Variants in CUBN observed in about 807,000 individuals in gnomAD.
The protein encoded by CUBN is cubilin.
In CUBN, 282 loss-of-function variants were observed where a neutral mutation model predicts 405.3. The ratio of observed to expected loss-of-function variants is 0.70; its 90% CI spans 0.63 to 0.77. The LOEUF is 0.77. Ranked by LOEUF, CUBN falls within the 30% of genes least tolerant of loss-of-function variation. CUBN has a pLI of 0.00. For synonymous variants in CUBN, 1,684 were observed against 1,617.0 expected (o/e 1.04, Z -0.99); for missense variants, 4,514 against 4,475.2 (o/e 1.01, Z -0.25).
At chr10:17,128,844 G>C (rs185478854) in intron 2 of CUBN, among the ~76,000 whole-genome samples, 5 of 152,066 alleles carry the variant, frequency 3.3e-5, no homozygotes, top group Admixed American at 6.5e-5. Context: ...AGACCAGTAG[G>C]GTGACTATAG....
chr10:17,117,534 C>T lies in CUBN; in HGVS notation c.594-1937G>A, dbSNP rs534560772. Among the ~76,000 whole-genome samples the T allele has an allele frequency of 4.6e-5, 7 of 152,166 alleles. No individual in the cohort carries two copies. The South Asian group carries it at 1.5e-3, about 32-fold the overall frequency. Reference sequence around the variant, plus strand: ...GGACTACAGGTGCGTGCCACCACACCCGGCTAATTTTTTATTTCTTTTTTT... The same window carrying T: ...GGACTACAGGTGCGTGCCACCACACTCGGCTAATTTTTTATTTCTTTTTTT... On this transcript the variant is annotated intron_variant, in intron 6 of 66. Transcript: ENST00000377833.
At chr10:16,897,878 A>G (rs1841236845) in intron 54 of CUBN, among the ~76,000 whole-genome samples, 1 of 151,996 alleles carries the variant, frequency 6.6e-6, no homozygotes, top group Admixed American at 6.6e-5. Context: ...TATCAGAGGG[A>G]CCCCCATTCA....
chr10:16,988,059 C>T (rs1042904788), intron 29 of CUBN, among the ~76,000 whole-genome samples: 12 of 152,244 alleles, frequency 7.9e-5, no homozygotes, highest in African/African-American at 2.4e-4. Flanking sequence ...GCCTGGAGTC[C>T]CTGATTTCGT....
At chr10:16,990,720 A>G (rs893491639) in intron 28 of CUBN, among the ~76,000 whole-genome samples, 6 of 152,236 alleles carry the variant, frequency 3.9e-5, no homozygotes, top group Non-Finnish European at 7.3e-5. Context: ...TTATCCTTTC[A>G]AAAACACTGG....
At chr10:16,865,259 C>T (rs1840145164) in intron 59 of CUBN, among the ~76,000 whole-genome samples, 1 of 152,082 alleles carries the variant, frequency 6.6e-6, no homozygotes, top group African/African-American at 2.4e-5. Context: ...CGTGAGCCAC[C>T]GTGCCCAGCC....
At chr10:17,059,983 G>A (rs1255877546) in intron 22 of CUBN, among the ~76,000 whole-genome samples, 1 of 152,164 alleles carries the variant, frequency 6.6e-6, no homozygotes, top group Non-Finnish European at 1.5e-5. Flanking sequence ...ACTTTTTAGA[G>A]AGGTGTAGAT....
Position 17,110,913 on chromosome 10 carries a change from C to T in CUBN, c.1015+6G>A. 6.2e-7 allele frequency: 1 copy of T among 1,614,174 alleles called. No homozygotes were observed. Among genetic ancestry groups the T allele is most frequent in the Non-Finnish European group, 8.5e-7 (1 of 1,180,024 alleles). ...TCAGGAGGTTGACATTGAACCGAGG[C>T]AGCACCTGGTGGACAGGCCTGGCAG... On this transcript the variant is annotated splice_donor_region_variant and intron_variant, in intron 9 of 66. Coordinates refer to ENST00000377833, the MANE Select transcript of CUBN (RefSeq NM_001081.4).
At chr10:17,129,611 C>T (rs1837273022) in intron 1 of CUBN, 33 bp downstream of exon 1, 1 of 1,613,834 alleles carries the variant, frequency 6.2e-7, no homozygotes, top group Admixed American at 1.7e-5. Context: ...TTAGCCTAGT[C>T]CCTGAGCAGG....
At chr10:17,121,603 G>A (rs899855913) in intron 6 of CUBN, among the ~76,000 whole-genome samples, 1 of 150,990 alleles carries the variant, frequency 6.6e-6, no homozygotes, top group Non-Finnish European at 1.5e-5. Flanking sequence ...GCTAAATGAC[G>A]AGTTAATGGA....
Position 16,915,843 on chromosome 10 carries a change from C to G in CUBN, c.7188G>C (p.Glu2396Asp). Residue 2396 changes from glutamate to aspartate, a missense_variant, in exon 46 of 67, where the codon GAG (glutamate) becomes GAC (aspartate). This residue lies in a region of CUBN where 1,613 missense variants were observed against 1,542.8 expected (regional missense o/e 1.05). Coordinates refer to ENST00000377833, the MANE Select transcript of CUBN (RefSeq NM_001081.4). Reference protein sequence around the residue: ...NSSGCEKDFVEIWDNHTSGNI... With the variant: ...NSSGCEKDFVDIWDNHTSGNI... ...AACCAGAGGTATGATTGTCCCAGATCTCCACGAAGTCTTTTTCACAGCCAG... is the reference window on the plus strand; with the variant it reads ...AACCAGAGGTATGATTGTCCCAGATGTCCACGAAGTCTTTTTCACAGCCAG... 1 of 1,613,452 alleles carries G rather than the reference C, an allele frequency of 6.2e-7. No individual in the cohort carries two copies. The highest frequency in any genetic ancestry group is 8.5e-7 in the Non-Finnish European group (1 of 1,179,940).
intron 59 of CUBN, among the ~76,000 whole-genome samples, chr10:16,854,936 C>CCTTCCTTCCTTCCTT (rs1564387641): frequency 4.8e-5 from 6 of 125,602 alleles, no homozygotes; most frequent in African/African-American, 1.7e-4. Context: ...CTTCCTTCCT[C>CCTTCCTTCCTTCCTT]CCTCCCTCCC....
intron 31 of CUBN, among the ~76,000 whole-genome samples, chr10:16,967,676 G>C (rs773942261): frequency 2.0e-4 from 31 of 151,984 alleles, no homozygotes; most frequent in Non-Finnish European, 2.4e-4. Context: ...AAGAAAGAGA[G>C]AGTGAGAGAG....
intron 54 of CUBN, among the ~76,000 whole-genome samples, chr10:16,897,647 G>A (rs1841225979): frequency 6.6e-6 from 1 of 152,116 alleles, no homozygotes; most frequent in African/African-American, 2.4e-5. Context: ...CTCTGGGTGG[G>A]TAAAGAGAAT....
rs141319759 is a variant in CUBN at position 16,928,283 on chromosome 10, G to T, written c.6145C>A (p.Gln2049Lys). 126 of 1,613,754 alleles carry T rather than the reference G, an allele frequency of 7.8e-5. No homozygotes were observed. The highest frequency in any genetic ancestry group is 1.0e-4 in the Non-Finnish European group (122 of 1,179,886). Residue 2049 changes from glutamine to lysine, a missense_variant, in exon 41 of 67, where the codon CAG (glutamine) becomes AAG (lysine). This residue lies in a region of CUBN where 1,613 missense variants were observed against 1,542.8 expected (regional missense o/e 1.05). Transcript: ENST00000377833. ...TCTCTGCCACAGAGAACTGCTAGCTGCTGGGCCAAGTTATTATCTCCTACG... is the reference window on the plus strand; with the variant it reads ...TCTCTGCCACAGAGAACTGCTAGCTTCTGGGCCAAGTTATTATCTCCTACG... ...IRDGDNNLAQ[Q>K]LAVLCGREIP...
chr10:16,846,462 A>C (rs1839511645), intron 60 of CUBN, among the ~76,000 whole-genome samples: 2 of 152,144 alleles, frequency 1.3e-5, no homozygotes, highest in South Asian at 4.1e-4. Flanking sequence ...CTGAAATTAC[A>C]TTATGGGTAG....
At chr10:16,946,704 C>A (rs61841453) in intron 36 of CUBN, among the ~76,000 whole-genome samples, 1 of 151,818 alleles carries the variant, frequency 6.6e-6, no homozygotes, top group Non-Finnish European at 1.5e-5. Context: ...TCATGTTGGC[C>A]GGGCTGGTCT....
At chr10:17,079,864 G>A (rs1275252139) in intron 17 of CUBN, among the ~76,000 whole-genome samples, 3 of 152,148 alleles carry the variant, frequency 2.0e-5, no homozygotes, top group Non-Finnish European at 4.4e-5. Context: ...AGTCACAAAA[G>A]GAGGTCCTTT....
chr10:17,073,444 C>CTTTTTTT (rs11349387), intron 17 of CUBN, among the ~76,000 whole-genome samples: 3 of 109,784 alleles, frequency 2.7e-5, no homozygotes, highest in Non-Finnish European at 5.2e-5. Context: ...ATAACCAGCT[C>CTTTTTTT]TTTTTTTTTT....
At position 17,020,217 on chromosome 10, in the gene CUBN, T is replaced by C. The variant is rs138393226; in HGVS notation, c.4018-234A>G. ...CCAATAAATTTGGAAACCCAACTAGTAACTTTTGGTTTTATGTCAACCTAG... is the reference window on the plus strand; with the variant it reads ...CCAATAAATTTGGAAACCCAACTAGCAACTTTTGGTTTTATGTCAACCTAG... On this transcript the variant is annotated intron_variant, in intron 27 of 66. Coordinates refer to ENST00000377833, the MANE Select transcript of CUBN (RefSeq NM_001081.4). Among the ~76,000 whole-genome samples the C allele has an allele frequency of 3.9e-5, 6 of 152,352 alleles. No individual in the cohort carries two copies. In the East Asian group the frequency reaches 7.7e-4, roughly 20 times the overall value.
Sources: allele counts gnomAD v4.1 joint callset (sites outside exome capture counted in the v4.1 genomes callset), GRCh38; gene constraint gnomAD v4.1.1; regional missense constraint gnomAD v4.1.1; transcripts MANE v1.5; gene names NCBI Gene and HGNC (gene_info 2026-07-23, HGNC 2026-07-21).